Variants in TOP3B observed in about 807,000 individuals in gnomAD.
The protein encoded by TOP3B is DNA topoisomerase 3-beta-1.
In TOP3B, 45 loss-of-function variants were observed where a neutral mutation model predicts 93.9. That is an observed-to-expected ratio of 0.48 (90% confidence interval 0.38 to 0.61). The LOEUF is 0.61. Ranked by LOEUF, TOP3B falls within the 20% of genes least tolerant of loss-of-function variation. The pLI, the probability that TOP3B is intolerant of heterozygous loss-of-function variation, is 0.00. For missense variants in TOP3B, 750 were observed against 1,156.1 expected (o/e 0.65, Z 5.09); for synonymous variants, 357 against 472.6 (o/e 0.76, Z 3.17).
At chr22:21,975,391 C>T (rs149612172) in intron 2 of TOP3B, 100 of 408,892 alleles carry the variant, frequency 2.4e-4, no homozygotes, top group African/African-American at 1.6e-3. Flanking sequence ...CCAGGCCCAG[C>T]ATATGGATAA....
At chr22:21,980,404 A>G (rs2084604575) in intron 1 of TOP3B, among the ~76,000 whole-genome samples, 1 of 152,200 alleles carries the variant, frequency 6.6e-6, no homozygotes, top group Admixed American at 6.5e-5. Context: ...CTCCCTCACT[A>G]AAGGGGCTTC....
Position 21,970,851 on chromosome 22 carries a change from A to G in TOP3B, c.385-445T>C. On this transcript the variant is annotated intron_variant, in intron 5 of 17. Coordinates refer to ENST00000357179, the MANE Select transcript of TOP3B (RefSeq NM_001282112.2). This position sits in a 1 kb window ranked among gnomAD's most constrained non-coding sequence, Gnocchi z 4.4. ...TGGAAATTTTAAGAGGCTGAAGAAAAGACAGGGAAGGAAAAAAGAATGAAG... is the reference window on the plus strand; with the variant it reads ...TGGAAATTTTAAGAGGCTGAAGAAAGGACAGGGAAGGAAAAAAGAATGAAG... The G allele has an allele frequency of 2.4e-6, 1 of 421,972 alleles. No homozygotes were observed. Among genetic ancestry groups the G allele is most frequent in the Non-Finnish European group, 3.6e-6 (1 of 274,142 alleles). The allele number at this position is 421,972 out of a possible 1,614,324, so 26.1% of individuals were successfully genotyped here.
chr22:21,978,239 T>C (rs2071963306), intron 1 of TOP3B, among the ~76,000 whole-genome samples: 1 of 148,970 alleles, frequency 6.7e-6, no homozygotes, highest in Non-Finnish European at 1.5e-5. Flanking sequence ...TGGCGGGACA[T>C]GGGAGGGGGA....
At chr22:21,966,556 T>C (rs1268082662) in intron 8 of TOP3B, 3 of 152,256 alleles carry the variant, frequency 2.0e-5, no homozygotes, top group Non-Finnish European at 4.4e-5. Context: ...CTGGTAACTA[T>C]TCTGGAATTT....
At chr22:21,958,154 G>A (rs2071004532) in intron 17 of TOP3B, 1 of 1,261,742 alleles carries the variant, frequency 7.9e-7, no homozygotes, top group Non-Finnish European at 1.0e-6. Flanking sequence ...GAGGACGGTG[G>A]TGGACGCTGA....
At chr22:21,976,834 CAT>C (rs927540299) in intron 1 of TOP3B, 2 of 151,792 alleles carry the variant, frequency 1.3e-5, no homozygotes, top group African/African-American at 4.8e-5. Context: ...TGTTTATAAA[CAT>C]AGCACCGTAT....
At chr22:21,964,344 C>T (rs1026940991) in intron 9 of TOP3B, 29 bp from the exon 10 acceptor site, 2 of 1,610,478 alleles carry the variant, frequency 1.2e-6, no homozygotes, top group Non-Finnish European at 8.5e-7. Flanking sequence ...TCTCAGAGGG[C>T]CAGGTACGTG....
rs759663161 is a variant in TOP3B at position 21,975,644 on chromosome 22, A to G, written c.66T>C (p.Ser22=). Residue 22 remains serine, a synonymous_variant, in exon 2 of 18, where the codon TCT becomes TCC. Transcript: ENST00000357179. ...SLAQSIAKIL[S]RGSLSSHKGL... ...AGCAGGGCTGGTCTCTCCTACCTCTAGAGAGGATTTTGGCAATTGACTGTG... is the reference window on the plus strand; with the variant it reads ...AGCAGGGCTGGTCTCTCCTACCTCTGGAGAGGATTTTGGCAATTGACTGTG... 33 of 1,611,356 alleles carry G rather than the reference A, an allele frequency of 2.0e-5. 1 individual carries two copies. The South Asian group carries it at 3.0e-4, about 15-fold the overall frequency.
At chr22:21,965,448 C>T (rs993158936) in intron 8 of TOP3B, 73 bp from the exon 9 acceptor site, 2 of 973,036 alleles carry the variant, frequency 2.1e-6, no homozygotes, top group Admixed American at 2.5e-5. Context: ...GATGTGTGGA[C>T]GAAGGGTCTG....
chr22:21,972,799 A>G (rs1348629694), intron 3 of TOP3B, 81 bp from the exon 4 acceptor site: 9 of 1,153,500 alleles, frequency 7.8e-6, no homozygotes, highest in Non-Finnish European at 1.2e-5. Flanking sequence ...TGTTGGCCTC[A>G]TCCCACAAAT....
In TOP3B at chr22:21,978,331, T is replaced by C. The variant is rs80214249; in HGVS notation, c.-98-2524A>G. On this transcript the variant is annotated intron_variant, in intron 1 of 17. Coordinates refer to ENST00000357179, the MANE Select transcript of TOP3B (RefSeq NM_001282112.2). The stretch of plus-strand genomic sequence containing the variant: ...CATGGGCTCACACCTATAATCCTAG[T>C]GCTTTGGGAGGCGAAGGCAAGAGGA... Among the ~76,000 whole-genome samples, 1,024 of 152,100 alleles carry C rather than the reference T, an allele frequency of 6.7e-3. 10 individuals are homozygous for C. Among genetic ancestry groups the C allele is most frequent in the African/African-American group, 0.024 (977 of 41,486 alleles).
chr22:21,959,245 A>G lies in TOP3B; in HGVS notation c.1805-13T>C, dbSNP rs1383869272. ...AACTCATCCATGCCTGCGGGCAAGC[A>G]GAGTGCAGGAGTCATCTCCCTCCCA... On this transcript the variant is annotated splice_polypyrimidine_tract_variant and intron_variant, in intron 15 of 17. Coordinates refer to ENST00000357179, the MANE Select transcript of TOP3B (RefSeq NM_001282112.2). The G allele has an allele frequency of 6.2e-7, 1 of 1,610,956 alleles. No homozygotes were observed. Among genetic ancestry groups the G allele is most frequent in the African/African-American group, 1.3e-5 (1 of 74,956 alleles).
At chr22:21,976,113 G>A (rs1943158496) in intron 1 of TOP3B, 1 of 159,124 alleles carries the variant, frequency 6.3e-6, no homozygotes, top group Admixed American at 6.3e-5. Flanking sequence ...CTGGGGATCT[G>A]GAGTGATGGG....
chr22:21,965,240 C>A, intron 9 of TOP3B, 45 bp downstream of exon 9: 1 of 1,472,988 alleles, frequency 6.8e-7, no homozygotes, highest in South Asian at 1.3e-5. Context: ...GCTGAACCTG[C>A]CTCAGGAAGC....
At chr22:21,965,717 A>C in intron 8 of TOP3B, 1 of 162,624 alleles carries the variant, frequency 6.1e-6, no homozygotes, top group Middle Eastern at 2.9e-3. Context: ...AAATACAAAC[A>C]TTAGCTGGGC....
At chr22:21,969,081 T>C (rs2071528995) in intron 6 of TOP3B, 1 of 307,184 alleles carries the variant, frequency 3.3e-6, no homozygotes, top group South Asian at 6.4e-5. Flanking sequence ...CAAACACACT[T>C]TATCAAGCAG....
chr22:21,968,506 G>T, intron 7 of TOP3B, 113 bp downstream of exon 7: 2 of 1,389,228 alleles, frequency 1.4e-6, no homozygotes, highest in Non-Finnish European at 2.0e-6. Context: ...AGGTACAGCC[G>T]TCCACACTTC....
chr22:21,963,826 A>G lies in TOP3B; in HGVS notation c.1204+97T>C. On this transcript the variant is annotated intron_variant, in intron 11 of 17. Coordinates refer to ENST00000357179, the MANE Select transcript of TOP3B (RefSeq NM_001282112.2). The surrounding 1 kb of genome is among the most constrained non-coding windows in gnomAD (Gnocchi z 4.8). Reference sequence around the variant, plus strand: ...CACAGCCAGGGCAGGCAGAGGCTGAAGGAGCCCCCACATTGCCAACAGGGC... The same window carrying G: ...CACAGCCAGGGCAGGCAGAGGCTGAGGGAGCCCCCACATTGCCAACAGGGC... 1 of 1,299,778 alleles carries G rather than the reference A, an allele frequency of 7.7e-7. No homozygotes were observed. Among genetic ancestry groups the G allele is most frequent in the Non-Finnish European group, 1.1e-6 (1 of 918,656 alleles). The allele number at this position is 1,299,778 out of a possible 1,614,324, so 80.5% of individuals were successfully genotyped here.
intron 9 of TOP3B, 88 bp downstream of exon 9, chr22:21,965,196 AC>A: frequency 1.2e-6 from 1 of 865,914 alleles, no homozygotes. Context: ...AGCCTTGGGC[AC>A]CATCCTGCAA....
Sources: gnomAD v4.1 joint callset for allele counts (sites outside exome capture counted in the v4.1 genomes callset) on GRCh38, gnomAD v4.1.1 for gene constraint, Gnocchi (gnomAD v3.1) non-coding constraint, MANE v1.5 for transcripts, NCBI Gene and HGNC (gene_info 2026-07-23, HGNC 2026-07-21) for gene names.